IL26: variants seen among roughly 807,000 people sequenced by gnomAD.
IL26 encodes the protein interleukin-26.
A neutral mutation model predicts 21.7 loss-of-function variants in IL26; 23 were observed. The observed-to-expected ratio is 1.06, with a 90% CI of 0.76 to 1.50. The LOEUF is 1.50. IL26 is among the 40% of genes most tolerant of loss of function. The pLI, the probability that IL26 is intolerant of heterozygous loss-of-function variation, is 0.00. For synonymous variants in IL26, 63 were observed against 67.8 expected (o/e 0.93, Z 0.34); for missense variants, 204 against 196.0 (o/e 1.04, Z -0.24).
At chr12:68,220,340 T>C (rs1869010834) in intron 3 of IL26, among the ~76,000 whole-genome samples, 1 of 152,116 alleles carries the variant, frequency 6.6e-6, no homozygotes, top group Admixed American at 6.5e-5. Context: ...ATGAAAGAAA[T>C]AATATATTAT....
chr12:68,225,473 A>G lies in IL26; in HGVS notation c.199T>C (p.Leu67=). Residue 67 remains leucine, a synonymous_variant, in exon 2 of 5, where the codon TTA becomes CTA. Transcript: ENST00000229134. ...AACTGCTTTTTTGTTTTCTTTTTTAATAATCGTATATTTTTTATGCGGTCT... is the reference window on the plus strand; with the variant it reads ...AACTGCTTTTTTGTTTTCTTTTTTAGTAATCGTATATTTTTTATGCGGTCT... ...PEDRIKNIRL[L]KKKTKKQFMK... The G allele has an allele frequency of 6.3e-7, 1 of 1,589,692 alleles. No homozygotes were observed. The highest frequency in any genetic ancestry group is 1.1e-5 in the South Asian group (1 of 89,948).
At chr12:68,211,770 C>T (rs1313442368) in intron 3 of IL26, among the ~76,000 whole-genome samples, 1 of 152,074 alleles carries the variant, frequency 6.6e-6, no homozygotes, top group Non-Finnish European at 1.5e-5. Flanking sequence ...CTCATATATT[C>T]TGATTAGTCC....
chr12:68,224,046 C>G (rs921718993), intron 3 of IL26, among the ~76,000 whole-genome samples: 3 of 151,070 alleles, frequency 2.0e-5, no homozygotes, highest in Non-Finnish European at 2.9e-5. Context: ...AACACCCCCC[C>G]CCTCTAATGG....
At chr12:68,202,654 C>G (rs1014465887) in intron 3 of IL26, among the ~76,000 whole-genome samples, 5 of 152,132 alleles carry the variant, frequency 3.3e-5, no homozygotes, top group Non-Finnish European at 7.4e-5. Flanking sequence ...GAGAACAGCA[C>G]AGGAGAAACC....
At chr12:68,203,861 C>T (rs1262499992) in intron 3 of IL26, among the ~76,000 whole-genome samples, 1 of 152,176 alleles carries the variant, frequency 6.6e-6, no homozygotes, top group Non-Finnish European at 1.5e-5. Flanking sequence ...CAGACACAGA[C>T]TGCTCAGCTT....
Position 68,201,923 on chromosome 12 carries a change from G to A in IL26, c.438C>T (p.Asn146=). ...RMKRIFYRIG[N]KGIYKAISEL... ...CACTGATGGCTTTGTAGATTCCTTTGTTTCCAATCTGCAGATAAAGTACAG... is the reference window on the plus strand; with the variant it reads ...CACTGATGGCTTTGTAGATTCCTTTATTTCCAATCTGCAGATAAAGTACAG... Residue 146 remains asparagine, a synonymous_variant, in exon 5 of 5, where the codon AAC becomes AAT. Coordinates refer to ENST00000229134, the MANE Select transcript of IL26 (RefSeq NM_018402.2). The A allele has an allele frequency of 2.5e-6, 4 of 1,597,124 alleles. No individual in the cohort carries two copies. The highest frequency in any genetic ancestry group is 3.4e-6 in the Non-Finnish European group (4 of 1,174,104).
chr12:68,207,208 C>CT (rs897958594), intron 3 of IL26, among the ~76,000 whole-genome samples: 1 of 152,190 alleles, frequency 6.6e-6, no homozygotes, highest in African/African-American at 2.4e-5. Flanking sequence ...TTATCCTGGA[C>CT]TTGTCAGGCA....
Position 68,214,980 on chromosome 12 carries a change from T to C in IL26, c.363+10169A>G, listed in dbSNP as rs558369434. On this transcript the variant is annotated intron_variant, in intron 3 of 4. Transcript: ENST00000229134. The stretch of plus-strand genomic sequence containing the variant: ...TTCTTTGGCAGTATGTTTTATTTTG[T>C]TGCTCTTAATTTTTAGTGCATTTAT... Among the ~76,000 whole-genome samples, 283 of 152,264 alleles carry C rather than the reference T, an allele frequency of 1.9e-3. 2 individuals carry two copies. The highest frequency in any genetic ancestry group is 1.5e-4 in the Non-Finnish European group (10 of 68,020).
intron 3 of IL26, among the ~76,000 whole-genome samples, chr12:68,204,489 C>T (rs761800849): frequency 2.1e-4 from 32 of 152,052 alleles, no homozygotes; most frequent in Non-Finnish European, 4.4e-4. Flanking sequence ...AAGAACCAGC[C>T]ACATTCTGGA....
At position 68,225,496 on chromosome 12, in the gene IL26, T is replaced by A; in HGVS notation, c.176A>T (p.Asp59Val). The change falls in exon 2 of 5, where the codon GAC becomes GTC. Residue 59 changes from aspartate (D) to valine (V), a missense_variant. Transcript: ENST00000229134. ...AAWLKATIPEDRIKNIRLLKK... is the reference protein window; with the variant it reads ...AAWLKATIPEVRIKNIRLLKK... ...TAATAATCGTATATTTTTTATGCGG[T>A]CTTCCTACAATAATACAAAGAGAAA... The A allele has an allele frequency of 1.3e-6, 2 of 1,596,848 alleles. No homozygotes were observed. The highest frequency in any genetic ancestry group is 2.7e-5 in the African/African-American group (2 of 74,586).
At chr12:68,225,009 G>T (rs1389741271) in intron 3 of IL26, 140 bp downstream of exon 3, 4 of 708,990 alleles carry the variant, frequency 5.6e-6, no homozygotes, top group Non-Finnish European at 9.2e-6. Context: ...TTTCCCTGGT[G>T]ATGACCTCTC....
rs1402863024 is a variant in IL26, at chr12:68,225,198, A to G, written c.314T>C (p.Ile105Thr). 6.2e-7 allele frequency: 1 copy of G among 1,613,994 alleles called. No individual in the cohort carries two copies. The highest frequency in any genetic ancestry group is 1.3e-5 in the African/African-American group (1 of 75,046). ...GQLQLQGCKK[I>T]RFVEDFHSLR... ...GCTATGAAAGTCCTCCACAAAGCGT[A>G]TTTTCTTGCAGCCTTGCAATTGCAG... The change falls in exon 3 of 5, where the codon ATA (isoleucine) becomes ACA (threonine). Residue 105 changes from isoleucine to threonine, a missense_variant. By Grantham distance (89) the Ile-to-Thr change is moderately conservative. Coordinates refer to ENST00000229134, the MANE Select transcript of IL26 (RefSeq NM_018402.2).
intron 3 of IL26, among the ~76,000 whole-genome samples, chr12:68,207,633 T>C (rs1002409389): frequency 6.6e-6 from 1 of 152,218 alleles, no homozygotes; most frequent in African/African-American, 2.4e-5. Flanking sequence ...TCATTGGTAA[T>C]GTGCAATTTA....
At position 68,225,174 on chromosome 12, in the gene IL26, C is replaced by T. The variant is rs758938498; in HGVS notation, c.338G>A (p.Ser113Asn). The T allele has an allele frequency of 6.2e-7, 1 of 1,612,824 alleles. No individual in the cohort carries two copies. The highest frequency in any genetic ancestry group is 8.5e-7 in the Non-Finnish European group (1 of 1,179,690). ...ACAGTGGCTCAATTTCTGCCTAAGG[C>T]TATGAAAGTCCTCCACAAAGCGTAT... The part of the protein sequence containing the change: ...KKIRFVEDFH[S>N]LRQKLSHCIS... The change falls in exon 3 of 5, where the codon AGC (serine) becomes AAC (asparagine). Residue 113 changes from serine (S) to asparagine (N), a missense_variant. Transcript: ENST00000229134.
chr12:68,213,564 T>A (rs11570936), intron 3 of IL26, among the ~76,000 whole-genome samples: 2,866 of 152,236 alleles, frequency 0.019, 51 homozygotes, highest in Admixed American at 0.039. Flanking sequence ...ATTATTGGTT[T>A]GTTCAGGTTG....
At chr12:68,213,423 A>AT (rs993830984) in intron 3 of IL26, among the ~76,000 whole-genome samples, 3 of 152,056 alleles carry the variant, frequency 2.0e-5, no homozygotes, top group African/African-American at 4.8e-5. Context: ...CTTCTCTTTA[A>AT]TTTTTTAAGA....
At chr12:68,210,002 C>A (rs1440543641) in intron 3 of IL26, among the ~76,000 whole-genome samples, 3 of 151,996 alleles carry the variant, frequency 2.0e-5, no homozygotes, top group African/African-American at 7.3e-5. Context: ...TGGATCATAA[C>A]CACCCTTCTT....
intron 3 of IL26, among the ~76,000 whole-genome samples, chr12:68,221,463 C>A (rs1166009649): frequency 6.6e-6 from 1 of 152,084 alleles, no homozygotes; most frequent in Non-Finnish European, 1.5e-5. Context: ...TGCCTATGAA[C>A]AGGAATAAAA....
intron 3 of IL26, among the ~76,000 whole-genome samples, chr12:68,221,402 G>T (rs1163024679): frequency 6.6e-6 from 1 of 152,122 alleles, no homozygotes; most frequent in Non-Finnish European, 1.5e-5. Flanking sequence ...TCAAAATGTG[G>T]CAATTATTTA....
Sources: allele counts gnomAD v4.1 joint callset (sites outside exome capture counted in the v4.1 genomes callset), GRCh38; gene constraint gnomAD v4.1.1; transcripts MANE v1.5; gene names NCBI Gene and HGNC (gene_info 2026-07-23, HGNC 2026-07-21).